Variants in PON3 observed in about 807,000 individuals in gnomAD.
PON3 encodes paraoxonase 3, also known as serum paraoxonase/lactonase 3.
In PON3, 37 loss-of-function variants were observed where a neutral mutation model predicts 36.3. That is an observed-to-expected ratio of 1.02 (90% confidence interval 0.78 to 1.34). PON3 has a LOEUF of 1.34. Among genes scored for constraint, PON3 ranks in the 40% most tolerant of loss-of-function variants. PON3 has a pLI of 0.00. For synonymous variants in PON3, 155 were observed against 154.8 expected, an observed-to-expected ratio of 1.00 and a Z score of -0.01; for missense variants, 415 against 426.5, an observed-to-expected ratio of 0.97 and a Z score of 0.24.
intron 2 of PON3, among the ~76,000 whole-genome samples, chr7:95,392,420 C>A (rs1003534920): frequency 1.3e-5 from 2 of 152,072 alleles, no homozygotes; most frequent in Admixed American, 6.5e-5. Context: ...CAGACTAGAC[C>A]CTACCAATCA....
chr7:95,387,159 T>A (rs181209493), intron 3 of PON3, among the ~76,000 whole-genome samples: 1,743 of 152,176 alleles, frequency 0.011, 30 homozygotes, highest in South Asian at 0.048. Flanking sequence ...GAGAAAGAAA[T>A]AAAGGGTATT....
rs1809090396 is a variant in PON3 at position 95,382,722 on chromosome 7, A to G, written c.201+7432T>C. On this transcript the variant is annotated intron_variant, in intron 3 of 8. Coordinates refer to ENST00000265627, the MANE Select transcript of PON3 (RefSeq NM_000940.3). Reference sequence around the variant, plus strand: ...TGAGACAATAATTAATAGCTTACCAACCAAAAAAAGTCCAGGATCAGATGG... The same window carrying G: ...TGAGACAATAATTAATAGCTTACCAGCCAAAAAAAGTCCAGGATCAGATGG... Among the ~76,000 whole-genome samples, 3 of 152,278 alleles carry G rather than the reference A, an allele frequency of 2.0e-5. No individual in the cohort carries two copies. In the South Asian group the frequency reaches 6.2e-4, roughly 32 times the overall value.
At chr7:95,382,441 T>C (rs978617697) in intron 3 of PON3, among the ~76,000 whole-genome samples, 7 of 151,838 alleles carry the variant, frequency 4.6e-5, no homozygotes, top group Non-Finnish European at 8.8e-5. Context: ...ATCAACAAAA[T>C]TGATAGACCA....
Position 95,393,139 on chromosome 7 carries a change from C to G in PON3, c.145+1505G>C, listed in dbSNP as rs1017688765. 2.0e-5 allele frequency among the ~76,000 whole-genome samples: 3 copies of G among 152,196 alleles called. No individual in the cohort carries two copies. The East Asian group carries it at 5.8e-4, about 29-fold the overall frequency. On this transcript the variant is annotated intron_variant, in intron 2 of 8. Coordinates refer to ENST00000265627, the MANE Select transcript of PON3 (RefSeq NM_000940.3). ...GAGAGGCAAGAAAAGGCAGAAAACT[C>G]AAATCAAAAGGGTACTTTTTCTGTA...
chr7:95,385,713 T>C (rs1417225691), intron 3 of PON3, among the ~76,000 whole-genome samples: 1 of 152,072 alleles, frequency 6.6e-6, no homozygotes, highest in Non-Finnish European at 1.5e-5. Context: ...AATCACAAAC[T>C]GTCTCTCAGA....
chr7:95,395,376 C>T (rs1440369189), intron 1 of PON3, among the ~76,000 whole-genome samples: 1 of 152,100 alleles, frequency 6.6e-6, no homozygotes, highest in East Asian at 1.9e-4. Context: ...AGACTCAATA[C>T]TTATCTTACA....
intron 5 of PON3, chr7:95,365,889 A>G (rs1562769830): frequency 1.3e-5 from 2 of 152,172 alleles, no homozygotes; most frequent in African/African-American, 4.8e-5. Flanking sequence ...TCTTCTTGCA[A>G]GGACACCAGT....
chr7:95,376,877 C>A (rs1808926388), intron 3 of PON3, among the ~76,000 whole-genome samples: 1 of 152,162 alleles, frequency 6.6e-6, no homozygotes, highest in Non-Finnish European at 1.5e-5. Context: ...GGTACCTGGT[C>A]CATCTCATTG....
chr7:95,374,566 CT>C (rs1005243081), intron 3 of PON3, among the ~76,000 whole-genome samples: 1 of 152,126 alleles, frequency 6.6e-6, no homozygotes, highest in African/African-American at 2.4e-5. Context: ...CTCTCTTCCC[CT>C]CACCATCAAA....
intron 3 of PON3, among the ~76,000 whole-genome samples, chr7:95,385,139 T>C (rs1206435034): frequency 6.6e-6 from 1 of 151,638 alleles, no homozygotes. Context: ...CACTCATAGG[T>C]GGGAATTGAA....
chr7:95,393,736 G>C (rs188699120), intron 2 of PON3, among the ~76,000 whole-genome samples: 268 of 152,194 alleles, frequency 1.8e-3, no homozygotes, highest in Admixed American at 2.9e-3. Flanking sequence ...GGGAGAAAAC[G>C]ACAGAAATGT....
intron 4 of PON3, among the ~76,000 whole-genome samples, chr7:95,370,888 T>C (rs1354084972): frequency 6.6e-6 from 1 of 152,236 alleles, no homozygotes; most frequent in Non-Finnish European, 1.5e-5. Context: ...TGTGCAACCA[T>C]AACCACTATT....
At chr7:95,384,617 C>G (rs538045670) in intron 3 of PON3, among the ~76,000 whole-genome samples, 30 of 152,244 alleles carry the variant, frequency 2.0e-4, no homozygotes, top group Non-Finnish European at 3.4e-4. Flanking sequence ...CATCACTGGC[C>G]ATCAGAGAAA....
chr7:95,363,416 T>C (rs1320616571), intron 6 of PON3: 1 of 197,942 alleles, frequency 5.1e-6, no homozygotes, highest in Non-Finnish European at 1.0e-5. Context: ...TTGAATGGTC[T>C]GCTGTTGTAA....
At chr7:95,377,598 C>A (rs774781419) in intron 3 of PON3, 3 of 425,830 alleles carry the variant, frequency 7.0e-6, no homozygotes, top group Non-Finnish European at 1.4e-5. Flanking sequence ...CAATATTTGC[C>A]GTTCTGCAGC....
chr7:95,393,813 C>A (rs1328639226), intron 2 of PON3, among the ~76,000 whole-genome samples: 1 of 152,090 alleles, frequency 6.6e-6, no homozygotes, highest in Non-Finnish European at 1.5e-5. Flanking sequence ...AAAAGAAGGG[C>A]TGCAGTTTGA....
At chr7:95,375,349 C>T (rs998170445) in intron 3 of PON3, among the ~76,000 whole-genome samples, 18 of 149,242 alleles carry the variant, frequency 1.2e-4, no homozygotes, top group Non-Finnish European at 2.2e-4. Context: ...TATATATACA[C>T]ACTCACATAT....
intron 4 of PON3, among the ~76,000 whole-genome samples, chr7:95,369,244 C>T (rs1177338658): frequency 6.6e-6 from 1 of 152,148 alleles, no homozygotes; most frequent in African/African-American, 2.4e-5. Context: ...CTGTTCTAGA[C>T]TCTCAGAATC....
At chr7:95,384,654 C>T (rs1036241205) in intron 3 of PON3, among the ~76,000 whole-genome samples, 2 of 152,136 alleles carry the variant, frequency 1.3e-5, no homozygotes. Context: ...AGTGGGATAC[C>T]ATCTCACACC....
Sources: gnomAD v4.1 joint callset for allele counts (sites outside exome capture counted in the v4.1 genomes callset) on GRCh38, gnomAD v4.1.1 for gene constraint, MANE v1.5 for transcripts, NCBI Gene and HGNC (gene_info 2026-07-23, HGNC 2026-07-21) for gene names.